Variants in AOX1 observed in about 807,000 individuals in gnomAD.
AOX1 encodes the protein aldehyde oxidase.
AOX1 carries 153 observed loss-of-function variants against 169.5 expected under a neutral mutation model. That is an observed-to-expected ratio of 0.90 (90% CI 0.79 to 1.03). The LOEUF (loss-of-function observed/expected upper bound fraction) is 1.03. Among genes scored for constraint, AOX1 ranks in the 50% least tolerant of loss-of-function variants. AOX1 has a pLI of 0.00. For synonymous variants in AOX1, 562 were observed against 581.9 expected, an observed-to-expected ratio of 0.97 and a Z score of 0.49; for missense variants, 1,656 against 1,663.9, an observed-to-expected ratio of 1.00 and a Z score of 0.08.
Position 200,623,728 on chromosome 2 carries a change from T to C in AOX1, c.2002-133T>C, listed in dbSNP as rs2034938106. On this transcript the variant is annotated intron_variant, in intron 18 of 34. Coordinates refer to ENST00000374700, the MANE Select transcript of AOX1 (RefSeq NM_001159.4). Reference sequence around the variant, plus strand: ...CTGTGGTTATAGTCATGGACAGATGTGGAGGGGTCACACCTGTGTGTATCT... The same window carrying C: ...CTGTGGTTATAGTCATGGACAGATGCGGAGGGGTCACACCTGTGTGTATCT... 2.9e-6 allele frequency: 4 copies of C among 1,365,500 alleles called. No individual in the cohort carries two copies. The East Asian group carries it at 9.4e-5, about 32-fold the overall frequency. 84.6% of individuals were successfully genotyped at this position (1,365,500 alleles called of 1,614,324 possible).
intron 5 of AOX1, 146 bp downstream of exon 5, chr2:200,599,892 T>C (rs1421746190): frequency 1.9e-6 from 1 of 518,350 alleles, no homozygotes; most frequent in Non-Finnish European, 3.1e-6. Context: ...TTCAAGCAAT[T>C]CTTGTGCCTC....
In AOX1 at chr2:200,638,254, A is replaced by T. The variant is rs2035279464; in HGVS notation, c.2520A>T (p.Glu840Asp). 1 of 1,613,780 alleles carries T rather than the reference A, an allele frequency of 6.2e-7. No homozygotes were observed. Among genetic ancestry groups the T allele is most frequent in the African/African-American group, 1.3e-5 (1 of 75,036 alleles). Residue 840 changes from glutamate to aspartate, a missense_variant, in exon 23 of 35, where the codon GAA becomes GAT. Physicochemically the swap from Glu to Asp is conservative, Grantham distance 45. Coordinates refer to ENST00000374700, the MANE Select transcript of AOX1 (RefSeq NM_001159.4). ...TTCGCTGTGTTCTGGAACGAGGAGA[A>T]GACATGTTAATAACTGGAGGCCGCC... ...RAVRCVLERGEDMLITGGRHP... is the reference protein window; with the variant it reads ...RAVRCVLERGDDMLITGGRHP...
intron 4 of AOX1, among the ~76,000 whole-genome samples, chr2:200,598,743 CAA>C (rs370497141): frequency 4.6e-5 from 5 of 108,764 alleles, no homozygotes; most frequent in African/African-American, 3.5e-5. Flanking sequence ...GACTCTGTCT[CAA>C]AAAAAAAAAA....
chr2:200,675,447 C>T (rs537364880), downstream of AOX1, among the ~76,000 whole-genome samples: 3 of 152,256 alleles, frequency 2.0e-5, no homozygotes, highest in African/African-American at 7.2e-5. Context: ...GAAAACTGGA[C>T]AGTAGGGATA....
intron 2 of AOX1, 86 bp from the exon 3 acceptor site, chr2:200,595,186 C>G: frequency 1.1e-6 from 1 of 878,334 alleles, no homozygotes; most frequent in South Asian, 1.7e-5. Context: ...ATTTAAGAGT[C>G]TGTGATATTA....
At chr2:200,651,929 T>G (rs114623342) in intron 26 of AOX1, among the ~76,000 whole-genome samples, 2,260 of 152,252 alleles carry the variant, frequency 0.015, 60 homozygotes, top group African/African-American at 0.051. Flanking sequence ...GGAACCCCTA[T>G]TATCTATTTT....
At position 200,611,413 on chromosome 2, in the gene AOX1, C is replaced by A. The variant is rs749984777; in HGVS notation, c.1183C>A (p.Gln395Lys). Residue 395 changes from glutamine (Q) to lysine (K), a missense_variant, in exon 13 of 35, where the codon CAA (glutamine) becomes AAA (lysine). Physicochemically the swap from Gln to Lys is moderately conservative, Grantham distance 53. Transcript: ENST00000374700. ...EGKRQIPLNE[Q>K]FLSKCPNADL... ...AAAACGACAGATTCCTTTAAATGAG[C>A]AATTCCTCAGCAAGTGCCCTAATGC... The A allele has an allele frequency of 5.6e-6, 9 of 1,613,580 alleles. No homozygotes were observed. The highest frequency in any genetic ancestry group is 7.6e-6 in the Non-Finnish European group (9 of 1,179,662).
At chr2:200,615,540 G>A (rs1039830250) in intron 15 of AOX1, among the ~76,000 whole-genome samples, 4 of 152,162 alleles carry the variant, frequency 2.6e-5, no homozygotes, top group South Asian at 4.1e-4. Flanking sequence ...CAGCTGGCAG[G>A]CAACATGGAA....
At chr2:200,588,726 C>CTTTTTTTTTTTGTTTT (rs2034097008) in intron 1 of AOX1, among the ~76,000 whole-genome samples, 1 of 53,986 alleles carries the variant, frequency 1.9e-5, no homozygotes, top group African/African-American at 6.2e-5. Flanking sequence ...CTAGAATAAG[C>CTTTTTTTTTTTGTTTT]TTTTTTTTTT....
At chr2:200,639,237 AG>A (rs1219644772) in intron 23 of AOX1, among the ~76,000 whole-genome samples, 2 of 152,222 alleles carry the variant, frequency 1.3e-5, no homozygotes, top group South Asian at 2.1e-4. Flanking sequence ...TGAGTCTTCC[AG>A]GGGATCTTTT....
chr2:200,672,084 G>A (rs1386343219), downstream of AOX1, among the ~76,000 whole-genome samples: 1 of 152,176 alleles, frequency 6.6e-6, no homozygotes, highest in Non-Finnish European at 1.5e-5. Flanking sequence ...TATACAAAAT[G>A]TCCAGAACAG....
chr2:200,623,877 A>C lies in AOX1; in HGVS notation c.2018A>C (p.Gln673Pro), dbSNP rs1285354304. ...GTGTCGTAGGTGTTCTGTGTGGGTC[A>C]GCTTGTCTGTGCTGTGCTTGCCGAT... ...LATDKVFCVG[Q>P]LVCAVLADSE... The change falls in exon 19 of 35, where the codon CAG (glutamine) becomes CCG (proline). Residue 673 changes from glutamine (Q) to proline (P), a missense_variant. Gln to Pro is a moderately conservative substitution (Grantham distance 76, BLOSUM62 -1). Coordinates refer to ENST00000374700, the MANE Select transcript of AOX1 (RefSeq NM_001159.4). The C allele has an allele frequency of 1.2e-6, 2 of 1,613,904 alleles. No individual in the cohort carries two copies. Among genetic ancestry groups the C allele is most frequent in the African/African-American group, 2.7e-5 (2 of 74,936 alleles).
chr2:200,623,805 A>G (rs983583761), intron 18 of AOX1, 56 bp from the exon 19 acceptor site: 8 of 1,609,852 alleles, frequency 5.0e-6, no homozygotes, highest in Admixed American at 1.7e-5. Flanking sequence ...AAAATGAATA[A>G]AAGAGAGGAC....
intron 1 of AOX1, among the ~76,000 whole-genome samples, chr2:200,591,356 A>G (rs1447022035): frequency 1.3e-5 from 2 of 152,218 alleles, no homozygotes; most frequent in African/African-American, 4.8e-5. Context: ...GCAAAAGGGT[A>G]TTTTAGGTGG....
intron 20 of AOX1, among the ~76,000 whole-genome samples, chr2:200,634,404 T>C (rs553607435): frequency 6.6e-6 from 1 of 152,190 alleles, no homozygotes; most frequent in African/African-American, 2.4e-5. Context: ...TATCTGTACT[T>C]AACAGGAGGG....
At chr2:200,638,058 G>A (rs2035273358) in intron 22 of AOX1, 157 bp from the exon 23 acceptor site, 2 of 611,734 alleles carry the variant, frequency 3.3e-6, no homozygotes, top group Non-Finnish European at 5.9e-6. Context: ...AGCCCACGGT[G>A]TATGCCTGAG....
rs774313448 is a variant in AOX1, at chr2:200,609,381, G to A, written c.1120G>A (p.Val374Met). The A allele has an allele frequency of 1.2e-6, 2 of 1,614,092 alleles. No homozygotes were observed. Among genetic ancestry groups the A allele is most frequent in the East Asian group, 2.2e-5 (1 of 44,876 alleles). Residue 374 changes from valine to methionine, a missense_variant, in exon 12 of 35, where the codon GTG becomes ATG. Transcript: ENST00000374700. ...TTCAGATCTGAATCCCATCCTGGCT[G>A]TGGGTAACTGTACCCTCAACTTGCT... is the stretch of plus-strand genomic sequence containing the variant. The part of the protein sequence containing the change: ...PDSDLNPILA[V>M]GNCTLNLLSK...
downstream of AOX1, chr2:200,671,534 T>C (rs1181228024): frequency 6.6e-6 from 1 of 152,240 alleles, no homozygotes; most frequent in African/African-American, 2.4e-5. Context: ...GATATATAAA[T>C]GGCTAGTAAG....
At position 200,656,790 on chromosome 2, in the gene AOX1, A is replaced by T. The variant is rs35423095; in HGVS notation, c.3076-52A>T. ...AGGAAAATGTTTTAATTGACACGAT[A>T]TGTGATAATATCAAAAAGATCACAG... is the stretch of plus-strand genomic sequence containing the variant. On this transcript the variant is annotated intron_variant, in intron 26 of 34. Coordinates refer to ENST00000374700, the MANE Select transcript of AOX1 (RefSeq NM_001159.4). The T allele has an allele frequency of 1.4e-5, 17 of 1,259,150 alleles. No individual in the cohort carries two copies. In the East Asian group the frequency reaches 3.7e-4, roughly 27 times the overall value. 78.0% of individuals were successfully genotyped at this position (1,259,150 alleles called of 1,614,324 possible).
Sources: gnomAD v4.1 joint callset for allele counts (sites outside exome capture counted in the v4.1 genomes callset) on GRCh38, gnomAD v4.1.1 for gene constraint, MANE v1.5 for transcripts, NCBI Gene and HGNC (gene_info 2026-07-23, HGNC 2026-07-21) for gene names.